The following STX12 variants were observed in gnomAD, a reference collection of about 807,000 sequenced individuals.
STX12 encodes syntaxin-12.
In STX12, 17 loss-of-function variants were observed where a neutral mutation model predicts 42.2. The observed-to-expected ratio is 0.40, with a 90% confidence interval of 0.28 to 0.60. The LOEUF is 0.60. Ranked by LOEUF, STX12 falls within the 20% of genes least tolerant of loss-of-function variation. STX12 has a pLI of 0.39. For missense variants in STX12, 297 were observed against 330.9 expected, an observed-to-expected ratio of 0.90 and a Z score of 0.79; for synonymous variants, 108 against 116.7, an observed-to-expected ratio of 0.93 and a Z score of 0.48.
At chr1:27,779,835 A>G (rs1161003774) in intron 1 of STX12, among the ~76,000 whole-genome samples, 1 of 151,074 alleles carries the variant, frequency 6.6e-6, no homozygotes, top group Admixed American at 6.6e-5. Flanking sequence ...TTAACAGCCC[A>G]GGCTGCAATG....
intron 6 of STX12, among the ~76,000 whole-genome samples, chr1:27,814,004 G>A (rs1006248293): frequency 2.0e-5 from 3 of 152,082 alleles, no homozygotes; most frequent in Non-Finnish European, 4.4e-5. Flanking sequence ...GGGTTCAAGC[G>A]ATTCTCCTGC....
At chr1:27,777,484 A>G (rs1003575666) in intron 1 of STX12, among the ~76,000 whole-genome samples, 2 of 152,234 alleles carry the variant, frequency 1.3e-5, no homozygotes, top group African/African-American at 4.8e-5. Context: ...ATTGTATCAA[A>G]TTGATTTGAA....
At chr1:27,811,043 G>A (rs1229999574) in intron 5 of STX12, among the ~76,000 whole-genome samples, 1 of 151,944 alleles carries the variant, frequency 6.6e-6, no homozygotes, top group African/African-American at 2.4e-5. Flanking sequence ...GAGGCGTTGG[G>A]GCATGGTGGC....
At chr1:27,792,344 GTA>G (rs2088755254) in intron 2 of STX12, among the ~76,000 whole-genome samples, 1 of 117,014 alleles carries the variant, frequency 8.5e-6, no homozygotes. Context: ...CTATATATAT[GTA>G]GATACATATA....
intron 4 of STX12, among the ~76,000 whole-genome samples, chr1:27,809,333 CA>C (rs1208072414): frequency 2.8e-3 from 314 of 113,858 alleles, no homozygotes; most frequent in African/African-American, 6.3e-3. Context: ...GATTCCATCT[CA>C]AAAAAAAAAA....
intron 1 of STX12, among the ~76,000 whole-genome samples, chr1:27,778,721 G>A (rs1252930754): frequency 6.6e-6 from 1 of 151,164 alleles, no homozygotes; most frequent in African/African-American, 2.4e-5. Flanking sequence ...AAAAAGAACA[G>A]CATTTCTGTT....
At chr1:27,786,427 G>C (rs2088699485) in intron 1 of STX12, among the ~76,000 whole-genome samples, 1 of 152,076 alleles carries the variant, frequency 6.6e-6, no homozygotes, top group Non-Finnish European at 1.5e-5. Flanking sequence ...GCCCACCACT[G>C]TCACTTCAGC....
intron 4 of STX12, among the ~76,000 whole-genome samples, chr1:27,802,949 GATATA>G (rs986698976): frequency 1.3e-4 from 20 of 152,228 alleles, no homozygotes; most frequent in African/African-American, 4.8e-4. Context: ...AAAATGGAAA[GATATA>G]ATATAGAAAT....
At chr1:27,806,899 G>A (rs925902580) in intron 4 of STX12, among the ~76,000 whole-genome samples, 13 of 152,010 alleles carry the variant, frequency 8.6e-5, no homozygotes, top group African/African-American at 2.9e-4. Context: ...CCAAACAACC[G>A]GATCTCATGA....
chr1:27,817,903 A>G lies in STX12; in HGVS notation c.629A>G (p.His210Arg), dbSNP rs1468833746. ...TTTAAAGATTTGGCCATGATGATCCATGACCAGGGTGATCTGATTGGTATG... is the reference window on the plus strand; with the variant it reads ...TTTAAAGATTTGGCCATGATGATCCGTGACCAGGGTGATCTGATTGGTATG... ...QIFKDLAMMI[H>R]DQGDLIDSIE... The change falls in exon 7 of 9, where the codon CAT becomes CGT. Residue 210 changes from histidine (H) to arginine (R), a missense_variant. Transcript: ENST00000373943. 2.5e-6 allele frequency: 4 copies of G among 1,614,082 alleles called. No individual in the cohort carries two copies. The South Asian group carries it at 4.4e-5, about 18-fold the overall frequency.
At chr1:27,800,303 C>T (rs2088818521) in intron 3 of STX12, among the ~76,000 whole-genome samples, 1 of 152,134 alleles carries the variant, frequency 6.6e-6, no homozygotes, top group East Asian at 1.9e-4. Flanking sequence ...TTCTTGGCCG[C>T]TTGAGTTCTT....
intron 1 of STX12, among the ~76,000 whole-genome samples, chr1:27,782,248 C>G (rs1267840370): frequency 6.6e-6 from 1 of 152,104 alleles, no homozygotes; most frequent in Non-Finnish European, 1.5e-5. Flanking sequence ...TACAGGCACG[C>G]ACCACCACGT....
In STX12 at chr1:27,789,436, G is replaced by C. The variant is rs1013029864; in HGVS notation, c.119-126G>C. On this transcript the variant is annotated intron_variant, in intron 1 of 8. Coordinates refer to ENST00000373943, the MANE Select transcript of STX12 (RefSeq NM_177424.3). The stretch of plus-strand genomic sequence containing the variant: ...TGTGTCAAGGTTTTGATCATAGCAT[G>C]GTCTCTATTAGTTGCATGTATTAAT... 9 of 573,324 alleles carry C rather than the reference G, an allele frequency of 1.6e-5. 1 individual carries two copies. The Admixed American group carries it at 2.4e-4, about 15-fold the overall frequency. 35.5% of individuals were successfully genotyped at this position (573,324 alleles called of 1,614,324 possible).
chr1:27,808,404 C>T (rs1257198444), intron 4 of STX12, among the ~76,000 whole-genome samples: 9 of 151,552 alleles, frequency 5.9e-5, no homozygotes, highest in African/African-American at 2.2e-4. Context: ...TGCAGTGGCA[C>T]GATCTTGGCT....
chr1:27,782,587 C>T (rs753953909), intron 1 of STX12, among the ~76,000 whole-genome samples: 7 of 152,044 alleles, frequency 4.6e-5, no homozygotes, highest in Non-Finnish European at 7.4e-5. Context: ...CCTGTAATTC[C>T]AGCACTTTGG....
intron 1 of STX12, among the ~76,000 whole-genome samples, chr1:27,788,594 G>A (rs1316156314): frequency 2.0e-5 from 3 of 152,188 alleles, no homozygotes; most frequent in Non-Finnish European, 4.4e-5. Flanking sequence ...ACAGTTGAAA[G>A]AACATAGCCA....
chr1:27,789,766 C>A, intron 2 of STX12, 135 bp downstream of exon 2: 1 of 625,860 alleles, frequency 1.6e-6, no homozygotes, highest in Non-Finnish European at 2.8e-6. Flanking sequence ...AGAGCTGGAT[C>A]TAAAAGAGGG....
Position 27,819,688 on chromosome 1 carries a change from G to A in STX12, c.688G>A (p.Val230Ile), listed in dbSNP as rs145114259. 3.2e-5 allele frequency: 52 copies of A among 1,613,940 alleles called. No homozygotes were observed. The African/African-American group carries it at 4.4e-4, about 14-fold the overall frequency. Residue 230 changes from valine (V) to isoleucine (I), a missense_variant, in exon 8 of 9, where the codon GTC (valine) becomes ATC (isoleucine). Coordinates refer to ENST00000373943, the MANE Select transcript of STX12 (RefSeq NM_177424.3). ...EANVESSEVH[V>I]ERATEQLQRA... ...CAATGTGGAAAGCTCAGAGGTGCAC[G>A]TCGAAAGAGCCACTGAACAGTTACA...
chr1:27,790,663 T>G (rs1489598915), intron 2 of STX12, among the ~76,000 whole-genome samples: 2 of 152,286 alleles, frequency 1.3e-5, no homozygotes, highest in East Asian at 3.9e-4. Context: ...AAGGGGGTGC[T>G]GGGTGCAGTG....
Sources: allele counts gnomAD v4.1 joint callset (sites outside exome capture counted in the v4.1 genomes callset), GRCh38; gene constraint gnomAD v4.1.1; transcripts MANE v1.5; gene names NCBI Gene and HGNC (gene_info 2026-07-23, HGNC 2026-07-21).